EPG5: variants seen among roughly 807,000 people sequenced by gnomAD.
EPG5 encodes ectopic P granules protein 5 homolog.
EPG5 carries 159 observed loss-of-function variants against 302.7 expected under a neutral mutation model. The ratio of observed to expected loss-of-function variants is 0.53; its 90% CI spans 0.46 to 0.60. The LOEUF is 0.60. Ranked by LOEUF, EPG5 falls within the 20% of genes least tolerant of loss-of-function variation. The probability of loss-of-function intolerance (pLI) is 0.00; values close to 1 mark genes in which losing one functional copy is unlikely to be tolerated. For synonymous variants in EPG5, 1,158 were observed against 1,136.8 expected (o/e 1.02, Z -0.37); for missense variants, 2,896 against 3,092.4 (o/e 0.94, Z 1.51).
the EPG5 span, among the ~76,000 whole-genome samples, chr18:45,827,901 C>A: frequency 6.6e-6 from 1 of 152,204 alleles, no homozygotes; most frequent in Non-Finnish European, 1.5e-5. Context: ...CAAAAACAAA[C>A]GCCAAACCAC....
chr18:45,909,881 G>T (rs995698991), intron 23 of EPG5, among the ~76,000 whole-genome samples: 11 of 152,164 alleles, frequency 7.2e-5, no homozygotes, highest in African/African-American at 2.7e-4. Flanking sequence ...AGGAGTTTGG[G>T]GCTGAGGTGC....
chr18:45,925,204 C>T (rs1185500238), intron 14 of EPG5, among the ~76,000 whole-genome samples: 1 of 152,216 alleles, frequency 6.6e-6, no homozygotes, highest in Non-Finnish European at 1.5e-5. Context: ...GGCACGGTGG[C>T]TCATGCCTGT....
intron 12 of EPG5, 149 bp from the exon 13 acceptor site, chr18:45,929,158 C>T (rs1351694380): frequency 3.8e-6 from 3 of 791,406 alleles, no homozygotes; most frequent in Non-Finnish European, 3.9e-6. Flanking sequence ...AAACTTCATA[C>T]AGGCAACTGT....
Position 45,890,857 on chromosome 18 carries a change from G to A in EPG5, c.4810-917C>T, listed in dbSNP as rs530667519. Among the ~76,000 whole-genome samples the A allele has an allele frequency of 1.1e-4, 16 of 152,316 alleles. 1 individual carries two copies. The South Asian group carries it at 2.5e-3, about 24-fold the overall frequency. On this transcript the variant is annotated intron_variant, in intron 27 of 43. Transcript: ENST00000282041. ...AGGAAGGAGGAGCCTGGCCAGGGTT[G>A]CAGAGTGCAGTAAAATCAGACTGGG...
Position 45,908,097 on chromosome 18 carries a change from A to C in EPG5, c.4206-16T>G. Reference sequence around the variant, plus strand: ...ATTGAAGAGCCTAAAAGATAAAAACATAATTATACGAAACATAAAAAGATG... The same window carrying C: ...ATTGAAGAGCCTAAAAGATAAAAACCTAATTATACGAAACATAAAAAGATG... On this transcript the variant is annotated splice_polypyrimidine_tract_variant and intron_variant, in intron 23 of 43. Transcript: ENST00000282041. 1 of 1,485,708 alleles carries C rather than the reference A, an allele frequency of 6.7e-7. No homozygotes were observed. Among genetic ancestry groups the C allele is most frequent in the Non-Finnish European group, 9.1e-7 (1 of 1,094,922 alleles). 92.0% of individuals were successfully genotyped at this position (1,485,708 alleles called of 1,614,324 possible). A position where few individuals can be genotyped will look rare whatever the true frequency, so the allele number is the denominator to read the frequency against.
chr18:45,857,078 C>T (rs561261407), intron 42 of EPG5, among the ~76,000 whole-genome samples: 3 of 151,502 alleles, frequency 2.0e-5, no homozygotes, highest in Non-Finnish European at 4.4e-5. Flanking sequence ...GCCACCACAC[C>T]CAGCTAATTT....
intron 7 of EPG5, among the ~76,000 whole-genome samples, chr18:45,945,928 G>A (rs1341776610): frequency 6.6e-6 from 1 of 152,198 alleles, no homozygotes; most frequent in East Asian, 1.9e-4. Flanking sequence ...GTCATTCTGA[G>A]AACTGTTGGC....
intron 1 of EPG5, among the ~76,000 whole-genome samples, chr18:45,963,329 A>C (rs1256393953): frequency 1.3e-5 from 2 of 152,206 alleles, no homozygotes; most frequent in Non-Finnish European, 2.9e-5. Context: ...GTGTCAGAGG[A>C]AACAACATGG....
chr18:45,912,685 C>T (rs1393612183), intron 21 of EPG5, among the ~76,000 whole-genome samples: 1 of 152,188 alleles, frequency 6.6e-6, no homozygotes, highest in African/African-American at 2.4e-5. Context: ...ACTTCACAGA[C>T]CCCAAAATGG....
intron 1 of EPG5, among the ~76,000 whole-genome samples, chr18:45,957,217 G>A (rs1417163637): frequency 6.6e-6 from 1 of 152,018 alleles, no homozygotes; most frequent in African/African-American, 2.4e-5. Context: ...TTTTTGACAT[G>A]GAATTTGAGG....
rs752017725 is a variant in EPG5 at position 45,939,593 on chromosome 18, T to C, written c.2099+7A>G. 1 of 1,613,862 alleles carries C rather than the reference T, an allele frequency of 6.2e-7. No homozygotes were observed. Among genetic ancestry groups the C allele is most frequent in the South Asian group, 1.1e-5 (1 of 91,056 alleles). ...TCTCACTAAATATCATCATATGTCT[T>C]ACTTACCTTTTGGCCTTCAGCACAT... On this transcript the variant is annotated splice_region_variant and intron_variant, in intron 10 of 43. Transcript: ENST00000282041.
chr18:45,816,567 A>C, the EPG5 span, among the ~76,000 whole-genome samples: 2 of 152,200 alleles, frequency 1.3e-5, no homozygotes, highest in Non-Finnish European at 2.9e-5. Context: ...GCAAATCAAA[A>C]CCATAATGCG....
rs532989935 is a variant in EPG5, at chr18:45,851,379, G to A, written c.*1088C>T. On this transcript the variant is annotated 3_prime_UTR_variant, in exon 44 of 44. Transcript: ENST00000282041. ...CAGAACAAGGCAAAGTTACACACAG[G>A]CTTTGGTAATGAATGAACTGTCAAC... is the stretch of plus-strand genomic sequence containing the variant. 6.6e-6 allele frequency: 1 copy of A among 152,260 alleles called. No individual in the cohort carries two copies. Among genetic ancestry groups the A allele is most frequent in the South Asian group, 2.1e-4 (1 of 4,812 alleles). 9.4% of individuals were successfully genotyped at this position (152,260 alleles called of 1,614,324 possible).
At chr18:45,916,618 G>A (rs750021224) in intron 17 of EPG5, 36 bp from the exon 18 acceptor site, 41 of 1,550,798 alleles carry the variant, frequency 2.6e-5, no homozygotes, top group Middle Eastern at 1.7e-4. Flanking sequence ...TTTACCTTCC[G>A]ATCAGAACTC....
At position 45,880,093 on chromosome 18, in the gene EPG5, A is replaced by C. The variant is rs1226152505; in HGVS notation, c.5649T>G (p.Ala1883=). The change falls in exon 32 of 44, where the codon GCT becomes GCG. Residue 1883 remains alanine (A), a synonymous_variant. Coordinates refer to ENST00000282041, the MANE Select transcript of EPG5 (RefSeq NM_020964.3). ...EGAVLPSSSD[A]LLSDKQVMET... Reference sequence around the variant, plus strand: ...TACACACCTGCTTGTCTGACAAGAGAGCATCAGAAGAGCTGGGAAGCACGG... The same window carrying C: ...TACACACCTGCTTGTCTGACAAGAGCGCATCAGAAGAGCTGGGAAGCACGG... The C allele has an allele frequency of 3.1e-6, 5 of 1,599,782 alleles. No homozygotes were observed. The highest frequency in any genetic ancestry group is 4.5e-5 in the East Asian group (2 of 44,514).
chr18:45,887,762 T>C lies in EPG5; in HGVS notation c.5098A>G (p.Ile1700Val). The C allele has an allele frequency of 6.4e-7, 1 of 1,573,540 alleles. No individual in the cohort carries two copies. The highest frequency in any genetic ancestry group is 8.7e-7 in the Non-Finnish European group (1 of 1,150,108). The change falls in exon 29 of 44, where the codon ATC becomes GTC. Residue 1700 changes from isoleucine to valine, a missense_variant. Around this residue, in one of 5 missense-constraint regions of EPG5, gnomAD observed 790 missense variants for 798.0 expected, o/e 0.99. Transcript: ENST00000282041. Reference protein sequence around the residue: ...TRQFFTSCIEILGQVFISGIK... With the variant: ...TRQFFTSCIEVLGQVFISGIK... Reference sequence around the variant, plus strand: ...ACAGATAGCCTTACCTGTCCCAAGATCTCAATACATGAAGTAAAGAACTGC... The same window carrying C: ...ACAGATAGCCTTACCTGTCCCAAGACCTCAATACATGAAGTAAAGAACTGC...
Position 45,852,505 on chromosome 18 carries a change from G to A in EPG5, c.7702C>T (p.Leu2568=), listed in dbSNP as rs766347502. The A allele has an allele frequency of 3.7e-6, 6 of 1,614,096 alleles. No homozygotes were observed. Among genetic ancestry groups the A allele is most frequent in the African/African-American group, 1.3e-5 (1 of 74,936 alleles). The change falls in exon 44 of 44, where the codon CTG becomes TTG. Residue 2568 remains leucine (L), a synonymous_variant. Coordinates refer to ENST00000282041, the MANE Select transcript of EPG5 (RefSeq NM_020964.3). ...TCCAAATAATGCACTTCTGGATACAGACAGTTAACGAGAAGAGCCAAGAAG... is the reference window on the plus strand; with the variant it reads ...TCCAAATAATGCACTTCTGGATACAAACAGTTAACGAGAAGAGCCAAGAAG... ...KSFLALLVNC[L]YPEVHYLDHI... is the part of the protein sequence containing the mutation.
intron 20 of EPG5, 32 bp from the exon 21 acceptor site, chr18:45,913,860 G>A (rs2049968000): frequency 6.2e-7 from 1 of 1,608,208 alleles, no homozygotes; most frequent in Non-Finnish European, 8.5e-7. Flanking sequence ...GGGAGGGGAA[G>A]GAGGAGCTCG....
chr18:45,875,592 T>C (rs1329316746), intron 35 of EPG5, among the ~76,000 whole-genome samples: 2 of 151,604 alleles, frequency 1.3e-5, no homozygotes, highest in African/African-American at 4.9e-5. Flanking sequence ...CCTCTAGAAA[T>C]TACCCATAAT....
Sources: gnomAD v4.1 joint callset for allele counts (sites outside exome capture counted in the v4.1 genomes callset) on GRCh38, gnomAD v4.1.1 for gene constraint, gnomAD v4.1.1 regional missense constraint, MANE v1.5 for transcripts, NCBI Gene and HGNC (gene_info 2026-07-23, HGNC 2026-07-21) for gene names.